The following CYSTM1 variants were observed in gnomAD, a reference collection of about 807,000 sequenced individuals.
The protein encoded by CYSTM1 is cysteine rich transmembrane module containing 1.
In CYSTM1, 4 loss-of-function variants were observed where a neutral mutation model predicts 13.1. The ratio of observed to expected loss-of-function variants is 0.31; its 90% CI spans 0.15 to 0.70. The LOEUF (loss-of-function observed/expected upper bound fraction) is 0.70. CYSTM1 is among the 30% of genes least tolerant of loss of function. The pLI is 0.72. For missense variants in CYSTM1, 96 were observed against 121.6 expected (o/e 0.79, Z 0.99); for synonymous variants, 36 against 42.7 (o/e 0.84, Z 0.62).
intron 1 of CYSTM1, among the ~76,000 whole-genome samples, chr5:140,191,634 C>T (rs1010099848): frequency 3.9e-5 from 6 of 152,148 alleles, no homozygotes; most frequent in African/African-American, 1.2e-4. Context: ...TGAACAATGT[C>T]TTCAAAGAAA....
intron 1 of CYSTM1, among the ~76,000 whole-genome samples, chr5:140,188,768 G>C (rs1764054190): frequency 8.9e-6 from 1 of 112,662 alleles, no homozygotes; most frequent in South Asian, 2.7e-4. Flanking sequence ...GGAAGAGCGA[G>C]ACTCCGTCTC....
At chr5:140,227,048 G>A (rs1311504310) in intron 2 of CYSTM1, among the ~76,000 whole-genome samples, 1 of 152,166 alleles carries the variant, frequency 6.6e-6, no homozygotes, top group African/African-American at 2.4e-5. Flanking sequence ...CTGGGGTGAG[G>A]GGAGCCAGAG....
At chr5:140,236,231 A>C (rs939960818) in intron 2 of CYSTM1, among the ~76,000 whole-genome samples, 1 of 152,156 alleles carries the variant, frequency 6.6e-6, no homozygotes, top group Non-Finnish European at 1.5e-5. Context: ...ATCTTTTATA[A>C]ACTCATCTGG....
At chr5:140,205,380 A>G (rs924949380) in intron 2 of CYSTM1, among the ~76,000 whole-genome samples, 1 of 152,212 alleles carries the variant, frequency 6.6e-6, no homozygotes, top group Non-Finnish European at 1.5e-5. Context: ...AATTGGCTCT[A>G]AGTATGGAAT....
intron 1 of CYSTM1, among the ~76,000 whole-genome samples, chr5:140,178,060 A>G (rs1184317543): frequency 6.6e-6 from 1 of 152,188 alleles, no homozygotes; most frequent in African/African-American, 2.4e-5. Flanking sequence ...AAAAAATGTT[A>G]GTGTGTTTCC....
chr5:140,221,296 C>T (rs745453150), intron 2 of CYSTM1, among the ~76,000 whole-genome samples: 4 of 152,144 alleles, frequency 2.6e-5, no homozygotes, highest in African/African-American at 2.4e-5. Flanking sequence ...GTTGTGAAAC[C>T]GTCACCACCA....
At chr5:140,220,146 T>G (rs1000005370) in intron 2 of CYSTM1, among the ~76,000 whole-genome samples, 2 of 152,250 alleles carry the variant, frequency 1.3e-5, no homozygotes, top group African/African-American at 4.8e-5. Context: ...CTCTCCTTGC[T>G]TTATTTCTAT....
chr5:140,178,122 TTTC>T (rs1763913776), intron 1 of CYSTM1, among the ~76,000 whole-genome samples: 1 of 152,174 alleles, frequency 6.6e-6, no homozygotes, highest in South Asian at 2.1e-4. Context: ...AGAAATGCTC[TTTC>T]TTAAGGGGGA....
At chr5:140,218,064 A>T (rs1360208272) in intron 2 of CYSTM1, among the ~76,000 whole-genome samples, 1 of 152,144 alleles carries the variant, frequency 6.6e-6, no homozygotes, top group East Asian at 1.9e-4. Flanking sequence ...GTTCTTGGTG[A>T]TAGCCCGCTC....
chr5:140,232,973 A>C (rs1338061586), intron 2 of CYSTM1, among the ~76,000 whole-genome samples: 1 of 152,184 alleles, frequency 6.6e-6, no homozygotes, highest in Non-Finnish European at 1.5e-5. Context: ...ACAGATGACC[A>C]TCCATGCCCT....
Position 140,194,513 on chromosome 5 carries a change from C to T in CYSTM1, c.48C>T (p.Ala16=). The change falls in exon 2 of 3, where the codon GCC becomes GCT. Residue 16 remains alanine (A), a synonymous_variant. Coordinates refer to ENST00000261811, the MANE Select transcript of CYSTM1 (RefSeq NM_032412.4). ...PPPYPGPGPT[A]PYPPYPPQPM... ...CATATCCAGGCCCTGGTCCAACGGC[C>T]CCATACCCACCTTATCCACCACAAC... 1 of 1,612,706 alleles carries T rather than the reference C, an allele frequency of 6.2e-7. No individual in the cohort carries two copies.
At chr5:140,203,743 T>A (rs751235718) in intron 2 of CYSTM1, among the ~76,000 whole-genome samples, 2 of 152,196 alleles carry the variant, frequency 1.3e-5, no homozygotes, top group African/African-American at 2.4e-5. Context: ...GGGGGTTTTT[T>A]ATTTTATCAC....
Position 140,239,704 on chromosome 5 carries a change from C to T in CYSTM1, c.188-3601C>T, listed in dbSNP as rs1286594933. On this transcript the variant is annotated intron_variant, in intron 2 of 2. Transcript: ENST00000261811. This position sits in a 1 kb window ranked among gnomAD's most constrained non-coding sequence, Gnocchi z 5.4. Reference sequence around the variant, plus strand: ...CTCCCTGCACGTTCCCCACCCCACACTTGTGTTTGCATCCATGTGGCAAAG... The same window carrying T: ...CTCCCTGCACGTTCCCCACCCCACATTTGTGTTTGCATCCATGTGGCAAAG... 6.6e-6 allele frequency among the ~76,000 whole-genome samples: 1 copy of T among 152,242 alleles called. No individual in the cohort carries two copies. Among genetic ancestry groups the T allele is most frequent in the African/African-American group, 2.4e-5 (1 of 41,468 alleles).
At chr5:140,176,747 C>G (rs1169211925) in intron 1 of CYSTM1, among the ~76,000 whole-genome samples, 1 of 152,076 alleles carries the variant, frequency 6.6e-6, no homozygotes, top group Non-Finnish European at 1.5e-5. Context: ...GAAAGGAGTC[C>G]CATACTATTT....
At chr5:140,204,704 G>A (rs933245685) in intron 2 of CYSTM1, among the ~76,000 whole-genome samples, 2 of 152,060 alleles carry the variant, frequency 1.3e-5, no homozygotes, top group Non-Finnish European at 2.9e-5. Context: ...GCCTCCCCTT[G>A]TATGCTTCTC....
intron 2 of CYSTM1, among the ~76,000 whole-genome samples, chr5:140,208,679 A>G (rs1464180889): frequency 6.6e-6 from 1 of 152,220 alleles, no homozygotes; most frequent in African/African-American, 2.4e-5. Flanking sequence ...CATCTCATGT[A>G]CCCCATAAAT....
At position 140,224,209 on chromosome 5, in the gene CYSTM1, G is replaced by A. The variant is rs565215204; in HGVS notation, c.188-19096G>A. ...GGCTGGAGTGCAGTGGCGAAATCTC[G>A]GCTCACCGCAACCTCTGCCTCCCGG... On this transcript the variant is annotated intron_variant, in intron 2 of 2. Coordinates refer to ENST00000261811, the MANE Select transcript of CYSTM1 (RefSeq NM_032412.4). 4.3e-4 allele frequency among the ~76,000 whole-genome samples: 65 copies of A among 152,044 alleles called. 1 individual carries two copies. Among genetic ancestry groups the A allele is most frequent in the Non-Finnish European group, 8.2e-4 (56 of 68,008 alleles).
At chr5:140,213,962 T>G (rs1764400194) in intron 2 of CYSTM1, among the ~76,000 whole-genome samples, 1 of 152,212 alleles carries the variant, frequency 6.6e-6, no homozygotes, top group Non-Finnish European at 1.5e-5. Flanking sequence ...TACTTCAAAC[T>G]TAACTATAGC....
chr5:140,217,292 G>T (rs1377105871), intron 2 of CYSTM1, among the ~76,000 whole-genome samples: 1 of 152,114 alleles, frequency 6.6e-6, no homozygotes, highest in African/African-American at 2.4e-5. Context: ...ATTTGTTTGT[G>T]AAGGATTAAT....
Sources: gnomAD v4.1 joint callset for allele counts (sites outside exome capture counted in the v4.1 genomes callset) on GRCh38, gnomAD v4.1.1 for gene constraint, Gnocchi (gnomAD v3.1) non-coding constraint, MANE v1.5 for transcripts, NCBI Gene and HGNC (gene_info 2026-07-23, HGNC 2026-07-21) for gene names.